Variants in ABCA4 observed in about 807,000 individuals in gnomAD.
ABCA4 encodes the protein retinal-specific phospholipid-transporting ATPase ABCA4.
In ABCA4, 196 loss-of-function variants were observed where a neutral mutation model predicts 263.7. The ratio of observed to expected loss-of-function variants is 0.74; its 90% CI spans 0.66 to 0.84. The LOEUF is 0.84. Among genes scored for constraint, ABCA4 ranks in the 40% least tolerant of loss-of-function variants. ABCA4 has a pLI of 0.00. For synonymous variants in ABCA4, 1,133 were observed against 1,094.2 expected (o/e 1.04, Z -0.70); for missense variants, 2,792 against 2,855.1 (o/e 0.98, Z 0.50).
At chr1:94,012,066 CCT>C (rs1659561946) in intron 38 of ABCA4, among the ~76,000 whole-genome samples, 1 of 152,172 alleles carries the variant, frequency 6.6e-6, no homozygotes, top group African/African-American at 2.4e-5. Flanking sequence ...CAGAGCCTCC[CCT>C]GAGAAAATAG....
intron 30 of ABCA4, among the ~76,000 whole-genome samples, chr1:94,025,821 C>T (rs773913340): frequency 2.0e-5 from 3 of 152,258 alleles, no homozygotes; most frequent in African/African-American, 7.2e-5. Context: ...TGTAATCCCC[C>T]GTAGGATATC....
chr1:94,111,004 C>A (rs1662585727), intron 3 of ABCA4, among the ~76,000 whole-genome samples: 1 of 152,222 alleles, frequency 6.6e-6, no homozygotes, highest in Non-Finnish European at 1.5e-5. Flanking sequence ...CTTCCCAATG[C>A]TCCCTGACAT....
chr1:94,088,990 T>G (rs1661904372), intron 6 of ABCA4, among the ~76,000 whole-genome samples: 2 of 152,210 alleles, frequency 1.3e-5, no homozygotes, highest in Non-Finnish European at 2.9e-5. Flanking sequence ...TGAGTGTGGG[T>G]GGGAGATTGC....
intron 11 of ABCA4, among the ~76,000 whole-genome samples, chr1:94,067,691 G>A (rs1661306806): frequency 1.3e-5 from 2 of 152,160 alleles, no homozygotes; most frequent in African/African-American, 4.8e-5. Flanking sequence ...GATCACATTA[G>A]ACGCTGTTTG....
Position 94,032,130 on chromosome 1 carries a change from G to T in ABCA4, c.3863-87C>A, listed in dbSNP as rs6690840. The T allele has an allele frequency of 3.9e-3, 5,890 of 1,501,678 alleles. 208 individuals carry two copies. The African/African-American group carries it at 0.072, about 18-fold the overall frequency. The allele number at this position is 1,501,678 out of a possible 1,614,324, so 93.0% of individuals were successfully genotyped here. On this transcript the variant is annotated intron_variant, in intron 26 of 49. Transcript: ENST00000370225. ...CATTTTTTTTTTCCCTTACAGCATTGATTTTCCTCTTCATTTAAGTCAGCA... is the reference window on the plus strand; with the variant it reads ...CATTTTTTTTTTCCCTTACAGCATTTATTTTCCTCTTCATTTAAGTCAGCA...
chr1:94,118,805 G>A (rs754075089), intron 1 of ABCA4, among the ~76,000 whole-genome samples: 11 of 152,214 alleles, frequency 7.2e-5, no homozygotes, highest in Non-Finnish European at 1.2e-4. Flanking sequence ...ACCCATGCCA[G>A]CGAAAGGCCA....
intron 11 of ABCA4, among the ~76,000 whole-genome samples, chr1:94,069,958 G>A (rs558403798): frequency 4.9e-4 from 75 of 152,324 alleles, no homozygotes; most frequent in African/African-American, 1.8e-3. Flanking sequence ...GATCAAGTTG[G>A]AGGACAAAGA....
At chr1:94,033,626 C>T (rs1660267324) in intron 26 of ABCA4, among the ~76,000 whole-genome samples, 1 of 152,104 alleles carries the variant, frequency 6.6e-6, no homozygotes, top group Admixed American at 6.5e-5. Context: ...TTGGTTGGTC[C>T]CCAGCTGCTT....
chr1:94,043,549 T>C lies in ABCA4; in HGVS notation c.3051-74A>G, dbSNP rs969499417. The C allele has an allele frequency of 6.9e-6, 11 of 1,589,384 alleles. No individual in the cohort carries two copies. In the South Asian group the frequency reaches 1.0e-4, roughly 15 times the overall value. On this transcript the variant is annotated intron_variant, in intron 20 of 49. Transcript: ENST00000370225. ...CCAGCAGCTGATCTTACAGAAATAATTGAGGACAAGTATTCTTGATTTGGC... is the reference window on the plus strand; with the variant it reads ...CCAGCAGCTGATCTTACAGAAATAACTGAGGACAAGTATTCTTGATTTGGC...
Position 94,116,123 on chromosome 1 carries a change from A to T in ABCA4, c.67-3057T>A, listed in dbSNP as rs1373695498. Among the ~76,000 whole-genome samples, 3 of 152,286 alleles carry T rather than the reference A, an allele frequency of 2.0e-5. No homozygotes were observed. The East Asian group carries it at 5.8e-4, about 29-fold the overall frequency. On this transcript the variant is annotated intron_variant, in intron 1 of 49. Transcript: ENST00000370225. ...TGTATTTTTGAAGAATCTGGTCTCC[A>T]CAAGGCACGGTGACTTAAAGGCCTC... is the stretch of plus-strand genomic sequence containing the variant.
At chr1:94,002,367 C>T (rs1369800433) in intron 44 of ABCA4, among the ~76,000 whole-genome samples, 2 of 152,230 alleles carry the variant, frequency 1.3e-5, no homozygotes, top group Non-Finnish European at 1.5e-5. Context: ...TGATCCCACC[C>T]GTCAAGAGGG....
chr1:94,120,004 C>G (rs1463730951), intron 1 of ABCA4, among the ~76,000 whole-genome samples: 1 of 152,218 alleles, frequency 6.6e-6, no homozygotes, highest in Non-Finnish European at 1.5e-5. Context: ...CCCCTCCTTC[C>G]TCTTTCAGCT....
At chr1:94,044,239 G>A (rs1272439821) in intron 20 of ABCA4, among the ~76,000 whole-genome samples, 1 of 152,078 alleles carries the variant, frequency 6.6e-6, no homozygotes, top group Non-Finnish European at 1.5e-5. Flanking sequence ...CCCCTGAAAA[G>A]TTTGCCTTTC....
intron 13 of ABCA4, among the ~76,000 whole-genome samples, chr1:94,061,712 C>A (rs946910964): frequency 6.6e-6 from 1 of 152,250 alleles, no homozygotes; most frequent in Admixed American, 6.5e-5. Flanking sequence ...TGGACCTGGG[C>A]TTTCGCCCCT....
At chr1:94,031,531 T>G (rs538551710) in intron 27 of ABCA4, among the ~76,000 whole-genome samples, 2 of 152,116 alleles carry the variant, frequency 1.3e-5, no homozygotes, top group Non-Finnish European at 2.9e-5. Flanking sequence ...ACTGTAAAAA[T>G]AAAAACAATA....
chr1:94,086,830 C>T (rs1255713180), intron 6 of ABCA4, among the ~76,000 whole-genome samples: 1 of 152,164 alleles, frequency 6.6e-6, no homozygotes, highest in Non-Finnish European at 1.5e-5. Flanking sequence ...GCTTTGCTTT[C>T]CCTAAAGACT....
chr1:94,038,299 T>C (rs1660397138), intron 24 of ABCA4, among the ~76,000 whole-genome samples: 1 of 152,202 alleles, frequency 6.6e-6, no homozygotes, highest in Non-Finnish European at 1.5e-5. Context: ...AAATTAAAAA[T>C]CTAACTGTGA....
At chr1:94,067,589 C>CT (rs1292382865) in intron 11 of ABCA4, among the ~76,000 whole-genome samples, 2 of 152,246 alleles carry the variant, frequency 1.3e-5, no homozygotes, top group African/African-American at 4.8e-5. Context: ...GTTTAAGAGT[C>CT]TAACAGATCT....
intron 11 of ABCA4, among the ~76,000 whole-genome samples, chr1:94,074,174 C>T (rs1477584105): frequency 6.6e-6 from 1 of 152,150 alleles, no homozygotes; most frequent in African/African-American, 2.4e-5. Context: ...GACACATAGA[C>T]CAATGGAACA....
Sources: allele counts gnomAD v4.1 joint callset (sites outside exome capture counted in the v4.1 genomes callset), GRCh38; gene constraint gnomAD v4.1.1; transcripts MANE v1.5; gene names NCBI Gene and HGNC (gene_info 2026-07-23, HGNC 2026-07-21).